Variants in SDCCAG8 observed in about 807,000 individuals in gnomAD.
SDCCAG8 encodes the protein SHH signaling and ciliogenesis regulator SDCCAG8, also known as serologically defined colon cancer antigen 8.
SDCCAG8 carries 74 observed loss-of-function variants against 101.8 expected under a neutral mutation model. The ratio of observed to expected loss-of-function variants is 0.73; its 90% CI spans 0.60 to 0.88. The LOEUF is 0.88. SDCCAG8 is among the 40% of genes least tolerant of loss of function. The probability of loss-of-function intolerance (pLI) is 0.00; values close to 1 mark genes in which losing one functional copy is unlikely to be tolerated. For missense variants in SDCCAG8, 787 were observed against 822.6 expected (o/e 0.96, Z 0.53); for synonymous variants, 281 against 292.9 (o/e 0.96, Z 0.41).
chr1:243,464,539 C>T (rs1659750555), intron 16 of SDCCAG8, among the ~76,000 whole-genome samples: 1 of 152,174 alleles, frequency 6.6e-6, no homozygotes, highest in African/African-American at 2.4e-5. Context: ...CAAATTAATA[C>T]ACATTATTAC....
At position 243,416,735 on chromosome 1, in the gene SDCCAG8, G is replaced by A. The variant is rs2080611329; in HGVS notation, c.1744+906G>A. On this transcript the variant is annotated intron_variant, in intron 14 of 17. Coordinates refer to ENST00000366541, the MANE Select transcript of SDCCAG8 (RefSeq NM_006642.5). The surrounding 1 kb of genome is among the most constrained non-coding windows in gnomAD (Gnocchi z 4.3). Reference sequence around the variant, plus strand: ...TTTGAGTTGTGTGTTCACAGACAGTGTTAGTCAAAACAAGACAGTGTCAGT... The same window carrying A: ...TTTGAGTTGTGTGTTCACAGACAGTATTAGTCAAAACAAGACAGTGTCAGT... Among the ~76,000 whole-genome samples, 1 of 152,198 alleles carries A rather than the reference G, an allele frequency of 6.6e-6. No individual in the cohort carries two copies. The highest frequency in any genetic ancestry group is 1.5e-5 in the Non-Finnish European group (1 of 68,030).
intron 6 of SDCCAG8, among the ~76,000 whole-genome samples, chr1:243,294,501 A>AAAGAGGGAGAGAGAGAG (rs2070627196): frequency 1.1e-4 from 3 of 26,704 alleles, no homozygotes; most frequent in African/African-American, 3.7e-4. Flanking sequence ...GAGAGAGAGA[A>AAAGAGGGAGAGAGAGAG]AGAGCGAGAG....
At chr1:243,357,693 T>C (rs2076468507) in intron 12 of SDCCAG8, among the ~76,000 whole-genome samples, 1 of 152,230 alleles carries the variant, frequency 6.6e-6, no homozygotes, top group Non-Finnish European at 1.5e-5. Flanking sequence ...TATTTACTGC[T>C]CTTAACAACT....
chr1:243,420,043 T>C (rs1274764082), intron 15 of SDCCAG8, among the ~76,000 whole-genome samples: 2 of 152,238 alleles, frequency 1.3e-5, no homozygotes, highest in Non-Finnish European at 2.9e-5. Flanking sequence ...GATGAATGAA[T>C]GAAACAAATA....
In SDCCAG8 at chr1:243,458,822, G is replaced by T. The variant is rs368333081; in HGVS notation, c.1986-30192G>T. ...TCCCATTGTCAGTGATCTCTAAACG[G>T]CATTCCTGCCACTAAACTGCCACTG... On this transcript the variant is annotated intron_variant, in intron 16 of 17. Coordinates refer to ENST00000366541, the MANE Select transcript of SDCCAG8 (RefSeq NM_006642.5). This position sits in a 1 kb window ranked among gnomAD's most constrained non-coding sequence, Gnocchi z 4.5. Among the ~76,000 whole-genome samples, 1 of 152,186 alleles carries T rather than the reference G, an allele frequency of 6.6e-6. No individual in the cohort carries two copies. The highest frequency in any genetic ancestry group is 2.4e-5 in the African/African-American group (1 of 41,444).
At chr1:243,357,239 C>CGTG (rs1314793292) in intron 12 of SDCCAG8, among the ~76,000 whole-genome samples, 1 of 151,728 alleles carries the variant, frequency 6.6e-6, no homozygotes, top group Non-Finnish European at 1.5e-5. Flanking sequence ...ATTAGCCAGG[C>CGTG]GTGGTGGCAC....
intron 10 of SDCCAG8, 65 bp downstream of exon 10, chr1:243,330,757 T>C: frequency 1.3e-6 from 2 of 1,514,742 alleles, no homozygotes; most frequent in Non-Finnish European, 1.8e-6. Flanking sequence ...CCATTGATGA[T>C]TCCATAGGCT....
chr1:243,421,671 T>A (rs2081017854), intron 15 of SDCCAG8, among the ~76,000 whole-genome samples: 1 of 152,192 alleles, frequency 6.6e-6, no homozygotes, highest in Non-Finnish European at 1.5e-5. Context: ...GCATGTTGTA[T>A]AGCTTGTTTT....
In SDCCAG8 at chr1:243,256,044, C is replaced by T. The variant is rs547776191; in HGVS notation, c.-130C>T. Reference sequence around the variant, plus strand: ...GCCCCCAAGAGCTCTGTGCGGGATTCTAGGCTCCCCTGTGACAGCCGCGGC... The same window carrying T: ...GCCCCCAAGAGCTCTGTGCGGGATTTTAGGCTCCCCTGTGACAGCCGCGGC... On this transcript the variant is annotated 5_prime_UTR_variant, in exon 1 of 18. Transcript: ENST00000366541. 4.7e-6 allele frequency: 4 copies of T among 855,586 alleles called. No individual in the cohort carries two copies. The highest frequency in any genetic ancestry group is 4.9e-5 in the East Asian group (2 of 41,178). 53.0% of individuals were successfully genotyped at this position (855,586 alleles called of 1,614,324 possible).
At position 243,383,766 on chromosome 1, in the gene SDCCAG8, A is replaced by T. The variant is rs537903195; in HGVS notation, c.1616+4903A>T. Among the ~76,000 whole-genome samples, 3 of 152,256 alleles carry T rather than the reference A, an allele frequency of 2.0e-5. No individual in the cohort carries two copies. The South Asian group carries it at 6.2e-4, about 32-fold the overall frequency. On this transcript the variant is annotated intron_variant, in intron 13 of 17. Coordinates refer to ENST00000366541, the MANE Select transcript of SDCCAG8 (RefSeq NM_006642.5). ...CTCTATTAGAGAAAGGCAAATGACA[A>T]CATGGCATGTGAGGTCATCCTGATA...
intron 16 of SDCCAG8, among the ~76,000 whole-genome samples, chr1:243,444,398 G>C (rs1336107773): frequency 6.6e-6 from 1 of 151,334 alleles, no homozygotes; most frequent in Non-Finnish European, 1.5e-5. Flanking sequence ...TTGGGATGGA[G>C]TCTCGCTCTG....
chr1:243,465,304 G>A (rs1052573009), intron 16 of SDCCAG8, among the ~76,000 whole-genome samples: 2 of 152,218 alleles, frequency 1.3e-5, no homozygotes, highest in African/African-American at 4.8e-5. Context: ...AGCTGACCAG[G>A]CCTTCTGTGG....
chr1:243,282,008 G>C (rs1037069481), intron 4 of SDCCAG8, among the ~76,000 whole-genome samples: 13 of 152,050 alleles, frequency 8.5e-5, no homozygotes, highest in Non-Finnish European at 5.9e-5. Context: ...TTTGGAGACA[G>C]AGTCTCTCTC....
chr1:243,412,740 C>T (rs1482952043), intron 13 of SDCCAG8, among the ~76,000 whole-genome samples: 2 of 152,028 alleles, frequency 1.3e-5, no homozygotes, highest in Non-Finnish European at 2.9e-5. Flanking sequence ...ATAGGATTCC[C>T]CAAATAAAAA....
chr1:243,425,008 T>C (rs2081248256), intron 15 of SDCCAG8, among the ~76,000 whole-genome samples: 1 of 152,088 alleles, frequency 6.6e-6, no homozygotes, highest in Admixed American at 6.5e-5. Context: ...TTATCATAAC[T>C]GCCTCTAAAT....
At chr1:243,457,190 G>A (rs2083829641) in intron 16 of SDCCAG8, among the ~76,000 whole-genome samples, 2 of 151,792 alleles carry the variant, frequency 1.3e-5, no homozygotes, top group Non-Finnish European at 2.9e-5. Context: ...TTTCTTTAAG[G>A]AAAAATCTTA....
At chr1:243,408,594 C>A (rs1413130503) in intron 13 of SDCCAG8, among the ~76,000 whole-genome samples, 3 of 152,114 alleles carry the variant, frequency 2.0e-5, no homozygotes, top group Admixed American at 6.5e-5. Context: ...CACTTGTTAT[C>A]CTTTCAACCT....
At chr1:243,410,063 A>G (rs1290627186) in intron 13 of SDCCAG8, among the ~76,000 whole-genome samples, 1 of 152,186 alleles carries the variant, frequency 6.6e-6, no homozygotes, top group East Asian at 1.9e-4. Flanking sequence ...TTTACAGTAG[A>G]GAGGCCTGGG....
intron 16 of SDCCAG8, among the ~76,000 whole-genome samples, chr1:243,484,189 A>C (rs756502234): frequency 3.3e-5 from 5 of 152,244 alleles, no homozygotes; most frequent in Non-Finnish European, 5.9e-5. Flanking sequence ...CTGCAGGACG[A>C]AGTCCATATT....
Sources: allele counts gnomAD v4.1 joint callset (sites outside exome capture counted in the v4.1 genomes callset), GRCh38; gene constraint gnomAD v4.1.1; non-coding constraint Gnocchi (gnomAD v3.1); transcripts MANE v1.5; gene names NCBI Gene and HGNC (gene_info 2026-07-23, HGNC 2026-07-21).